Variants in SPICE1 observed in about 807,000 individuals in gnomAD.
SPICE1 encodes the protein spindle and centriole-associated protein 1.
Under a neutral mutation model 102.7 loss-of-function variants are expected in SPICE1, and 75 were observed. The ratio of observed to expected loss-of-function variants is 0.73; its 90% CI spans 0.61 to 0.88. The LOEUF (loss-of-function observed/expected upper bound fraction) is 0.88, where lower values mean the gene tolerates loss of function less well. Among genes scored for constraint, SPICE1 ranks in the 40% least tolerant of loss-of-function variants. The probability of loss-of-function intolerance (pLI) is 0.00; values close to 1 mark genes in which losing one functional copy is unlikely to be tolerated. For synonymous variants in SPICE1, 308 were observed against 350.3 expected (o/e 0.88, Z 1.35); for missense variants, 979 against 1,020.1 (o/e 0.96, Z 0.55).
At chr3:113,497,110 G>A (rs1446424609) in intron 4 of SPICE1, among the ~76,000 whole-genome samples, 2 of 152,174 alleles carry the variant, frequency 1.3e-5, no homozygotes, top group East Asian at 3.8e-4. Context: ...CTGGCCAACA[G>A]GATATATGCC....
Position 113,450,533 on chromosome 3 carries a change from A to T in SPICE1, c.2143-17T>A, listed in dbSNP as rs765102593. 6.4e-7 allele frequency: 1 copy of T among 1,561,566 alleles called. No homozygotes were observed. Among genetic ancestry groups the T allele is most frequent in the Non-Finnish European group, 8.6e-7 (1 of 1,158,480 alleles). On this transcript the variant is annotated splice_polypyrimidine_tract_variant and intron_variant, in intron 14 of 17. Coordinates refer to ENST00000295872, the MANE Select transcript of SPICE1 (RefSeq NM_144718.4). Reference sequence around the variant, plus strand: ...TGGAAAAGTCTTTGGGAGAAAAAAAAAAAAAGTACAAATTGAATACTGAAT... The same window carrying T: ...TGGAAAAGTCTTTGGGAGAAAAAAATAAAAAGTACAAATTGAATACTGAAT...
rs75865495 is a variant in SPICE1, at chr3:113,503,207, G to T, written c.120C>A (p.Thr40=). 1 of 1,600,262 alleles carries T rather than the reference G, an allele frequency of 6.2e-7. No individual in the cohort carries two copies. Among genetic ancestry groups the T allele is most frequent in the Admixed American group, 1.7e-5 (1 of 57,906 alleles). ...GATCTTCGGGAGTTGCCCGATGAAC[G>T]GTTAGATCAGTCACGGTATTCTGTA... ...QEWDNTVTDL[T]VHRATPEDLV... is the part of the protein sequence containing the mutation. Residue 40 remains threonine, a synonymous_variant, in exon 3 of 18, where the codon ACC becomes ACA. Transcript: ENST00000295872.
intron 7 of SPICE1, among the ~76,000 whole-genome samples, chr3:113,471,821 G>T (rs374420962): frequency 6.6e-6 from 1 of 152,124 alleles, no homozygotes; most frequent in Non-Finnish European, 1.5e-5. Flanking sequence ...CAAGGTGGCC[G>T]AATAGGAACA....
intron 11 of SPICE1, among the ~76,000 whole-genome samples, chr3:113,461,483 G>T (rs1935933862): frequency 6.6e-6 from 1 of 151,962 alleles, no homozygotes; most frequent in African/African-American, 2.4e-5. Flanking sequence ...CAAACAGATT[G>T]CCCAGAAGGT....
chr3:113,493,480 A>G (rs752665383), intron 5 of SPICE1, among the ~76,000 whole-genome samples, 168 bp from the exon 6 acceptor site: 5 of 152,248 alleles, frequency 3.3e-5, no homozygotes, highest in Admixed American at 3.3e-4. Flanking sequence ...ACTTACATAT[A>G]TTAACTCATT....
At chr3:113,488,411 C>T (rs1316158459) in intron 7 of SPICE1, among the ~76,000 whole-genome samples, 1 of 152,166 alleles carries the variant, frequency 6.6e-6, no homozygotes, top group African/African-American at 2.4e-5. Context: ...GAATACTACT[C>T]AGCCACTCAC....
chr3:113,469,081 T>C lies in SPICE1; in HGVS notation c.751+18A>G, dbSNP rs747838301. ...TAATAAAGCAGGCACCTAGAAATAA[T>C]GCAAAAGGGAAACAAACCTCTTTGC... On this transcript the variant is annotated intron_variant, in intron 8 of 17. Transcript: ENST00000295872. 6.2e-7 allele frequency: 1 copy of C among 1,606,144 alleles called. No individual in the cohort carries two copies. The highest frequency in any genetic ancestry group is 1.3e-5 in the African/African-American group (1 of 74,430).
chr3:113,453,705 T>C lies in SPICE1; in HGVS notation c.1903A>G (p.Thr635Ala). 2 of 1,613,986 alleles carry C rather than the reference T, an allele frequency of 1.2e-6. No individual in the cohort carries two copies. The highest frequency in any genetic ancestry group is 1.7e-6 in the Non-Finnish European group (2 of 1,179,996). ...SQPLCNSHSN[T>A]QQSRSPTFSE... ...AATGTGGGGCTTCTTGACTGTTGAG[T>C]GTTGGAATGGGAATTGCAGAGGGGC... The change falls in exon 14 of 18, where the codon ACT becomes GCT. Residue 635 changes from threonine to alanine, a missense_variant. By Grantham distance (58) the Thr-to-Ala change is moderately conservative. Transcript: ENST00000295872.
chr3:113,489,262 G>C (rs1482686908), intron 6 of SPICE1, among the ~76,000 whole-genome samples, 199 bp from the exon 7 acceptor site: 1 of 151,956 alleles, frequency 6.6e-6, no homozygotes, highest in African/African-American at 2.4e-5. Flanking sequence ...TGTCTCTGTA[G>C]TGGCTTCAGT....
chr3:113,488,900 G>A, intron 7 of SPICE1, 45 bp downstream of exon 7: 1 of 1,168,398 alleles, frequency 8.6e-7, no homozygotes, highest in South Asian at 1.4e-5. Flanking sequence ...AAATGGCCAT[G>A]GAAAAAACCT....
At chr3:113,448,937 A>C (rs1212502470) in intron 15 of SPICE1, 1 of 152,186 alleles carries the variant, frequency 6.6e-6, no homozygotes, top group East Asian at 1.9e-4. Flanking sequence ...TTTAGAGATA[A>C]ATCACTGGAC....
intron 7 of SPICE1, among the ~76,000 whole-genome samples, chr3:113,471,484 A>C (rs1936197210): frequency 6.6e-6 from 1 of 152,144 alleles, no homozygotes; most frequent in South Asian, 2.1e-4. Flanking sequence ...TCTCCTCTGG[A>C]GGGAGTGTGG....
intron 7 of SPICE1, among the ~76,000 whole-genome samples, chr3:113,485,997 G>C (rs959567519): frequency 6.6e-6 from 1 of 151,976 alleles, no homozygotes; most frequent in Non-Finnish European, 1.5e-5. Flanking sequence ...CTGTAATCCA[G>C]TTTCCTGGGA....
At chr3:113,504,013 G>GCTA (rs1671203169) in intron 2 of SPICE1, among the ~76,000 whole-genome samples, 1 of 151,190 alleles carries the variant, frequency 6.6e-6, no homozygotes, top group Non-Finnish European at 1.5e-5. Context: ...AAGCATAGAT[G>GCTA]CTACTACAAT....
At chr3:113,508,796 A>C (rs1263453268) in intron 1 of SPICE1, among the ~76,000 whole-genome samples, 4 of 152,212 alleles carry the variant, frequency 2.6e-5, no homozygotes, top group African/African-American at 9.6e-5. Context: ...CCACGTAAAA[A>C]CTTGTACATA....
intron 7 of SPICE1, among the ~76,000 whole-genome samples, chr3:113,482,941 G>A (rs1387527441): frequency 4.6e-5 from 7 of 152,214 alleles, no homozygotes; most frequent in African/African-American, 1.7e-4. Context: ...ATTCTGTGAA[G>A]AAAGCCAATG....
chr3:113,481,376 C>T (rs531661922), intron 7 of SPICE1, among the ~76,000 whole-genome samples: 23 of 151,272 alleles, frequency 1.5e-4, no homozygotes, highest in Middle Eastern at 6.9e-3. Flanking sequence ...AATGTTAAGA[C>T]GCTGTTGAAA....
In SPICE1 at chr3:113,453,828, T is replaced by C. The variant is rs1935716710; in HGVS notation, c.1780A>G (p.Ser594Gly). The C allele has an allele frequency of 1.9e-6, 3 of 1,614,186 alleles. No individual in the cohort carries two copies. The highest frequency in any genetic ancestry group is 2.5e-6 in the Non-Finnish European group (3 of 1,180,034). Residue 594 changes from serine to glycine, a missense_variant, in exon 14 of 18, where the codon AGT (serine) becomes GGT (glycine). Coordinates refer to ENST00000295872, the MANE Select transcript of SPICE1 (RefSeq NM_144718.4). ...LPIDTDIQNS[S>G]EENRLFTQRW... ...TGAGTGAAGAGACGATTCTCTTCAC[T>C]TGAATTCTGAATGTCTGTATCAATA...
In SPICE1 at chr3:113,465,678, A is replaced by C. The variant is rs755336107; in HGVS notation, c.1262T>G (p.Leu421Arg). Residue 421 changes from leucine (L) to arginine (R), a missense_variant, in exon 11 of 18, where the codon CTT becomes CGT. Physicochemically the swap from Leu to Arg is moderately radical, Grantham distance 102. Coordinates refer to ENST00000295872, the MANE Select transcript of SPICE1 (RefSeq NM_144718.4). ...IDALTAEILRLREENAATQAR... is the reference protein window; with the variant it reads ...IDALTAEILRRREENAATQAR... ...CTGTGTAGCAGCGTTTTCTTCTCTAAGACGAAGAATTTCAGCTGTCAGAGC... is the reference window on the plus strand; with the variant it reads ...CTGTGTAGCAGCGTTTTCTTCTCTACGACGAAGAATTTCAGCTGTCAGAGC... The C allele has an allele frequency of 3.1e-6, 5 of 1,613,838 alleles. No individual in the cohort carries two copies. Among genetic ancestry groups the C allele is most frequent in the East Asian group, 4.5e-5 (2 of 44,840 alleles).
Sources: gnomAD v4.1 joint callset for allele counts (sites outside exome capture counted in the v4.1 genomes callset) on GRCh38, gnomAD v4.1.1 for gene constraint, MANE v1.5 for transcripts, NCBI Gene and HGNC (gene_info 2026-07-23, HGNC 2026-07-21) for gene names.